MICAL2: variants seen among roughly 807,000 people sequenced by gnomAD.
The protein encoded by MICAL2 is [F-actin]-monooxygenase MICAL2.
A neutral mutation model predicts 127.3 loss-of-function variants in MICAL2; 77 were observed. The observed-to-expected ratio is 0.60, with a 90% CI of 0.50 to 0.73. The LOEUF (loss-of-function observed/expected upper bound fraction) is 0.73, where lower values mean the gene tolerates loss of function less well. Among genes scored for constraint, MICAL2 ranks in the 30% least tolerant of loss-of-function variants. MICAL2 has a pLI of 0.00. For missense variants in MICAL2, 1,351 were observed against 1,434.4 expected (o/e 0.94, Z 0.94); for synonymous variants, 570 against 551.1 (o/e 1.03, Z -0.48).
At chr11:12,282,956 T>A (rs7948080) in intron 2 of MICAL2, among the ~76,000 whole-genome samples, 6,470 of 152,208 alleles carry the variant, frequency 0.043, 485 homozygotes, top group African/African-American at 0.15. Context: ...ACTAGTTGGG[T>A]TGGGTAGTGA....
chr11:12,259,242 C>CT (rs1395569088), intron 25 of MICAL2, among the ~76,000 whole-genome samples: 1 of 152,196 alleles, frequency 6.6e-6, no homozygotes, highest in Non-Finnish European at 1.5e-5. Flanking sequence ...CCTTTCCAGG[C>CT]TTTTTTTCTA....
chr11:12,240,985 C>T lies in MICAL2; in HGVS notation c.2215-55C>T, dbSNP rs147547226. 9.9e-4 allele frequency: 1,576 copies of T among 1,598,778 alleles called. 19 individuals are homozygous for T. In the African/African-American group the frequency reaches 0.019, roughly 19 times the overall value. On this transcript the variant is annotated intron_variant, in intron 17 of 27. Coordinates refer to ENST00000683283, the MANE Select transcript of MICAL2 (RefSeq NM_001282663.2). ...CTCCAAGCCTCTCAATCTGACTCAC[C>T]TTTTCCTTCATGTCTCCTGTGGCTG...
intron 26 of MICAL2, chr11:12,261,008 T>G (rs1013441922): frequency 4.5e-5 from 44 of 985,440 alleles, no homozygotes; most frequent in Admixed American, 2.5e-4. Context: ...GATGGCATTT[T>G]AGCCCCTGTG....
chr11:12,272,938 G>T (rs565887332), upstream of MICAL2, among the ~76,000 whole-genome samples: 19 of 152,284 alleles, frequency 1.2e-4, no homozygotes, highest in South Asian at 3.9e-3. Flanking sequence ...AAGCCTTGCC[G>T]CCAAGCCTCA....
intron 32 of MICAL2, among the ~76,000 whole-genome samples, chr11:12,341,341 A>G (rs1396073996): frequency 1.3e-5 from 2 of 152,198 alleles, no homozygotes; most frequent in Non-Finnish European, 2.9e-5. Flanking sequence ...GCAAAATCAC[A>G]TCAAAAGAGA....
intron 3 of MICAL2, among the ~76,000 whole-genome samples, chr11:12,170,306 C>T (rs1201681585): frequency 3.3e-5 from 5 of 151,930 alleles, no homozygotes; most frequent in Non-Finnish European, 5.9e-5. Context: ...AAAAATTAGC[C>T]GGGTGTGATG....
At chr11:12,291,257 A>G (rs1863895481), downstream of MICAL2, among the ~76,000 whole-genome samples, 1 of 152,146 alleles carries the variant, frequency 6.6e-6, no homozygotes, top group African/African-American at 2.4e-5. Context: ...ATCTCAAATG[A>G]CCCAATATGG....
chr11:12,308,564 G>A (rs1864138732), intron 29 of MICAL2, among the ~76,000 whole-genome samples: 1 of 151,928 alleles, frequency 6.6e-6, no homozygotes, highest in African/African-American at 2.4e-5. Context: ...CTTTTAAATT[G>A]TTCCTCATTA....
intron 32 of MICAL2, among the ~76,000 whole-genome samples, chr11:12,334,233 TAAAATGG>T (rs1565308285): frequency 1.3e-5 from 2 of 152,150 alleles, no homozygotes; most frequent in Non-Finnish European, 1.5e-5. Flanking sequence ...GTCCCTGATA[TAAAATGG>T]CGTAGTCACT....
chr11:12,195,683 G>A (rs576954867), intron 3 of MICAL2, among the ~76,000 whole-genome samples: 1 of 149,818 alleles, frequency 6.7e-6, no homozygotes, highest in South Asian at 2.1e-4. Flanking sequence ...AACTAGGCCC[G>A]TGTATTTTCT....
At chr11:12,352,697 A>C (rs1275305871) in intron 33 of MICAL2, among the ~76,000 whole-genome samples, 2 of 152,238 alleles carry the variant, frequency 1.3e-5, no homozygotes, top group Non-Finnish European at 2.9e-5. Context: ...TTCAAAGAAC[A>C]AGAGGTCTAT....
downstream of MICAL2, among the ~76,000 whole-genome samples, chr11:12,265,660 A>G (rs1229913518): frequency 1.3e-5 from 2 of 152,222 alleles, no homozygotes; most frequent in Non-Finnish European, 2.9e-5. Context: ...CATAGTGTAG[A>G]TGATCAGTTA....
chr11:12,131,478 T>G (rs986821418), intron 1 of MICAL2, among the ~76,000 whole-genome samples: 1 of 152,150 alleles, frequency 6.6e-6, no homozygotes, highest in Admixed American at 6.5e-5. Flanking sequence ...CTTCAGCACT[T>G]TCCTTCTTCT....
chr11:12,334,290 A>G (rs1404798976), intron 32 of MICAL2, among the ~76,000 whole-genome samples: 1 of 152,150 alleles, frequency 6.6e-6, no homozygotes, highest in African/African-American at 2.4e-5. Context: ...ACTTGAAATC[A>G]TCTCTAGATT....
intron 25 of MICAL2, among the ~76,000 whole-genome samples, chr11:12,259,292 A>G (rs1224049300): frequency 2.0e-5 from 3 of 152,162 alleles, no homozygotes; most frequent in Non-Finnish European, 2.9e-5. Flanking sequence ...CTATGCCTAG[A>G]GTTTTATATT....
downstream of MICAL2, chr11:12,292,285 CT>C: frequency 6.2e-7 from 1 of 1,614,038 alleles, no homozygotes; most frequent in Non-Finnish European, 8.5e-7. Context: ...CAGATGGTTC[CT>C]CCCCGCCTCA....
chr11:12,194,875 C>G (rs1565138250), intron 3 of MICAL2, among the ~76,000 whole-genome samples: 2 of 152,204 alleles, frequency 1.3e-5, no homozygotes, highest in African/African-American at 2.4e-5. Flanking sequence ...TAATTTTTCA[C>G]ATCAAATGAT....
chr11:12,206,010 G>T (rs914021970), intron 4 of MICAL2, among the ~76,000 whole-genome samples: 1 of 152,164 alleles, frequency 6.6e-6, no homozygotes, highest in African/African-American at 2.4e-5. Context: ...TCAGACACAG[G>T]AGAATTTACC....
At chr11:12,347,781 C>T (rs1412476324) in intron 32 of MICAL2, among the ~76,000 whole-genome samples, 2 of 151,978 alleles carry the variant, frequency 1.3e-5, no homozygotes, top group East Asian at 3.9e-4. Context: ...ATACAGTCAC[C>T]TCTTGGTGTC....
Sources: allele counts gnomAD v4.1 joint callset (sites outside exome capture counted in the v4.1 genomes callset), GRCh38; gene constraint gnomAD v4.1.1; transcripts MANE v1.5; gene names NCBI Gene and HGNC (gene_info 2026-07-23, HGNC 2026-07-21).